BAIAP2: variants seen among roughly 807,000 people sequenced by gnomAD.
The protein encoded by BAIAP2 is BAR/IMD domain containing adaptor protein 2.
In BAIAP2, 18 loss-of-function variants were observed where a neutral mutation model predicts 63.0. The observed-to-expected ratio is 0.29, with a 90% CI of 0.20 to 0.42. The LOEUF is 0.42. Ranked by LOEUF, BAIAP2 falls within the 10% of genes least tolerant of loss-of-function variation. The pLI is 1.00. For missense variants in BAIAP2, 610 were observed against 734.3 expected, an observed-to-expected ratio of 0.83 and a Z score of 1.96; for synonymous variants, 386 against 307.6, an observed-to-expected ratio of 1.25 and a Z score of -2.67.
In BAIAP2 at chr17:81,057,973, A is replaced by AGGG; in HGVS notation, c.217+6_217+7insGGG. 5.2e-6 allele frequency: 4 copies of AGGG among 765,844 alleles called. No homozygotes were observed. The highest frequency in any genetic ancestry group is 9.4e-5 in the East Asian group (2 of 21,300). The allele number at this position is 765,844 out of a possible 1,614,324, so 47.4% of individuals were successfully genotyped here. ...CCAGGGCTCCAAAGAACTCGGTGAGACCCCCCCCCCCCCCCCGCCTGGTAG... is the reference window on the plus strand; with the variant it reads ...CCAGGGCTCCAAAGAACTCGGTGAGAGGGCCCCCCCCCCCCCCCCGCCTGGTAG... On this transcript the variant is annotated splice_region_variant and intron_variant, in intron 3 of 13. Coordinates refer to ENST00000428708, the MANE Select transcript of BAIAP2 (RefSeq NM_001144888.2).
At chr17:81,076,435 A>C (rs2053673957) in intron 3 of BAIAP2, 2 of 152,060 alleles carry the variant, frequency 1.3e-5, no homozygotes. Flanking sequence ...GAGACGCCGC[A>C]GTTTGCTCTG....
chr17:81,071,358 A>T (rs112562677), intron 3 of BAIAP2, among the ~76,000 whole-genome samples: 108 of 152,220 alleles, frequency 7.1e-4, no homozygotes, highest in Non-Finnish European at 9.3e-4. Flanking sequence ...CTTCCCCGTG[A>T]TGAGGGCGCT....
rs544606179 is a variant in BAIAP2 at position 81,077,174 on chromosome 17, G to A, written c.218-7658G>A. 1.0e-3 allele frequency among the ~76,000 whole-genome samples: 159 copies of A among 152,272 alleles called. 1 individual carries two copies. The highest frequency in any genetic ancestry group is 7.0e-4 in the African/African-American group (29 of 41,548). ...TCCTGGTGGGCGTGGGTTTCTCTTC[G>A]GGGTGATGAAAGTGTCCGGGCAGTC... On this transcript the variant is annotated intron_variant, in intron 3 of 13. Transcript: ENST00000428708.
intron 1 of BAIAP2, among the ~76,000 whole-genome samples, chr17:81,038,978 G>A (rs1568054246): frequency 6.6e-6 from 1 of 152,244 alleles, no homozygotes; most frequent in African/African-American, 2.4e-5. Context: ...GTGTACATGT[G>A]TATGTGTGTC....
At position 81,110,353 on chromosome 17, in the gene BAIAP2, C is replaced by A. The variant is rs1043556439; in HGVS notation, c.1535+1844C>A. 3 of 986,384 alleles carry A rather than the reference C, an allele frequency of 3.0e-6. No homozygotes were observed. In the African/African-American group the frequency reaches 5.2e-5, roughly 17 times the overall value. 61.1% of individuals were successfully genotyped at this position (986,384 alleles called of 1,614,324 possible). A position where few individuals can be genotyped will look rare whatever the true frequency, so the allele number is the denominator to read the frequency against. ...CTAAAGATTTCAAATCCAGGGGATT[C>A]CATGCTCAATGGATGAATGTAGACA... On this transcript the variant is annotated intron_variant, in intron 13 of 13. Coordinates refer to ENST00000428708, the MANE Select transcript of BAIAP2 (RefSeq NM_001144888.2).
chr17:81,061,007 C>A (rs935158634), intron 3 of BAIAP2, among the ~76,000 whole-genome samples: 1 of 152,146 alleles, frequency 6.6e-6, no homozygotes, highest in Non-Finnish European at 1.5e-5. Flanking sequence ...GCCTGTAATC[C>A]CAGCTACTAG....
rs1002354132 is a variant in BAIAP2 at position 81,108,865 on chromosome 17, A to G, written c.1535+356A>G. 1.5e-5 allele frequency: 22 copies of G among 1,470,746 alleles called. No individual in the cohort carries two copies. The African/African-American group carries it at 2.9e-4, about 20-fold the overall frequency. 91.1% of individuals were successfully genotyped at this position (1,470,746 alleles called of 1,614,324 possible). On this transcript the variant is annotated intron_variant, in intron 13 of 13. Coordinates refer to ENST00000428708, the MANE Select transcript of BAIAP2 (RefSeq NM_001144888.2). ...GTCTTCCTGGAGGGTCAGGAGGCCA[A>G]CGGGAGCTGCTGAAAGGGGCATTGC...
At chr17:81,036,218 G>A (rs1568048144) in intron 1 of BAIAP2, among the ~76,000 whole-genome samples, 5 of 151,048 alleles carry the variant, frequency 3.3e-5, no homozygotes, top group African/African-American at 9.7e-5. Flanking sequence ...GGCAGCTGCC[G>A]GGGAGCATTT....
In BAIAP2 at chr17:81,104,121, C is replaced by T. The variant is rs751615568; in HGVS notation, c.1066+13C>T. 3.1e-6 allele frequency: 5 copies of T among 1,612,534 alleles called. No individual in the cohort carries two copies. The highest frequency in any genetic ancestry group is 4.2e-6 in the Non-Finnish European group (5 of 1,179,614). ...AGCTATGCCACCAGTAAGGGCTCCG[C>T]TGGGGTGTTGGGCTGGGGTCCCTGG... On this transcript the variant is annotated intron_variant, in intron 9 of 13. Coordinates refer to ENST00000428708, the MANE Select transcript of BAIAP2 (RefSeq NM_001144888.2).
chr17:81,108,411 C>T (rs1424929093), intron 12 of BAIAP2, 64 bp from the exon 13 acceptor site: 1 of 1,570,650 alleles, frequency 6.4e-7, no homozygotes, highest in Non-Finnish European at 8.8e-7. Context: ...TGTGTACAGG[C>T]AGCGGGTGGG....
At chr17:81,070,540 G>T (rs1462283311) in intron 3 of BAIAP2, among the ~76,000 whole-genome samples, 1 of 152,212 alleles carries the variant, frequency 6.6e-6, no homozygotes, top group Non-Finnish European at 1.5e-5. Context: ...GCACAGGGAG[G>T]GTTGCTGCAG....
intron 3 of BAIAP2, among the ~76,000 whole-genome samples, chr17:81,071,931 G>A (rs1340336869): frequency 6.6e-6 from 1 of 152,214 alleles, no homozygotes; most frequent in African/African-American, 2.4e-5. Context: ...AGAGTCTGGG[G>A]CATCTTGTTC....
intron 13 of BAIAP2, chr17:81,109,350 G>C: frequency 4.2e-6 from 3 of 707,402 alleles, no homozygotes; most frequent in East Asian, 1.1e-4. Context: ...CAGGTCTAAA[G>C]TTTGAAGAAA....
At chr17:81,103,278 C>T (rs1226759469) in intron 7 of BAIAP2, among the ~76,000 whole-genome samples, 1 of 152,242 alleles carries the variant, frequency 6.6e-6, no homozygotes, top group South Asian at 2.1e-4. Flanking sequence ...CCCTGGAGGT[C>T]CCCCGACTGC....
At chr17:81,050,938 G>T (rs1419372545) in intron 1 of BAIAP2, among the ~76,000 whole-genome samples, 1 of 151,788 alleles carries the variant, frequency 6.6e-6, no homozygotes, top group South Asian at 2.1e-4. Flanking sequence ...GCCAGTCCCG[G>T]TCTGCATGGT....
intron 3 of BAIAP2, among the ~76,000 whole-genome samples, chr17:81,066,633 G>T (rs1568104860): frequency 6.6e-6 from 1 of 152,228 alleles, no homozygotes; most frequent in Non-Finnish European, 1.5e-5. Flanking sequence ...CTGTGCAGAA[G>T]GGAAGGTCCT....
intron 3 of BAIAP2, among the ~76,000 whole-genome samples, chr17:81,065,559 G>A (rs1402885224): frequency 1.3e-5 from 2 of 152,200 alleles, no homozygotes; most frequent in Admixed American, 6.5e-5. Flanking sequence ...CTGCCTCACC[G>A]ACAGCTGTGG....
At chr17:81,112,723 G>A (rs913056234) in intron 13 of BAIAP2, among the ~76,000 whole-genome samples, 20 of 152,204 alleles carry the variant, frequency 1.3e-4, no homozygotes, top group African/African-American at 4.8e-5. Context: ...GTTTCTTCTC[G>A]GAATCCTTCT....
At chr17:81,062,672 A>G (rs1347484372) in intron 3 of BAIAP2, among the ~76,000 whole-genome samples, 1 of 139,952 alleles carries the variant, frequency 7.1e-6, no homozygotes, top group East Asian at 2.1e-4. Context: ...CATTTGGGGA[A>G]TTGTCTTTTT....
Sources: gnomAD v4.1 joint callset for allele counts (sites outside exome capture counted in the v4.1 genomes callset) on GRCh38, gnomAD v4.1.1 for gene constraint, MANE v1.5 for transcripts, NCBI Gene and HGNC (gene_info 2026-07-23, HGNC 2026-07-21) for gene names.